Variants in GALNT15 observed in about 807,000 individuals in gnomAD.
GALNT15 encodes UDP-GalNAc transferase T15.
Under a neutral mutation model 66.8 loss-of-function variants are expected in GALNT15, and 67 were observed. That is an observed-to-expected ratio of 1.00 (90% CI 0.82 to 1.23). The LOEUF (loss-of-function observed/expected upper bound fraction) is 1.23, where lower values mean the gene tolerates loss of function less well. Ranked by LOEUF, GALNT15 falls within the 50% of genes most tolerant of loss-of-function variation. The pLI is 0.00. For synonymous variants in GALNT15, 313 were observed against 311.5 expected (o/e 1.00, Z -0.05); for missense variants, 827 against 804.3 (o/e 1.03, Z -0.34).
At chr3:16,241,843 C>T in the GALNT15 span, among the ~76,000 whole-genome samples, 2 of 152,142 alleles carry the variant, frequency 1.3e-5, no homozygotes, top group African/African-American at 2.4e-5. The surrounding 1 kb of genome is among the most constrained non-coding windows in gnomAD (Gnocchi z 4.6). Context: ...CCACCACACC[C>T]GGCCAAAACA....
At chr3:16,205,901 T>C (rs977791766) in intron 3 of GALNT15, among the ~76,000 whole-genome samples, 1 of 151,938 alleles carries the variant, frequency 6.6e-6, no homozygotes, top group African/African-American at 2.4e-5. Flanking sequence ...ACAGTTAAAA[T>C]AGAGGAAAAA....
chr3:16,246,871 T>A, the GALNT15 span, among the ~76,000 whole-genome samples: 1 of 152,170 alleles, frequency 6.6e-6, no homozygotes, highest in South Asian at 2.1e-4. Flanking sequence ...ACATTGTACT[T>A]GATGAGTTGT....
rs1338145162 is a variant in GALNT15 at position 16,199,226 on chromosome 3, A to T, written c.707-1393A>T. Among the ~76,000 whole-genome samples, 2 of 140,608 alleles carry T rather than the reference A, an allele frequency of 1.4e-5. 1 individual carries two copies. Among genetic ancestry groups the T allele is most frequent in the African/African-American group, 5.4e-5 (2 of 37,112 alleles). The allele number at this position is 140,608 out of a possible 152,430, so 92.2% of individuals were successfully genotyped here. ...GACATGCACACACACACACACATGCACTCACACACACAATCAAGTTATTCT... is the reference window on the plus strand; with the variant it reads ...GACATGCACACACACACACACATGCTCTCACACACACAATCAAGTTATTCT... On this transcript the variant is annotated intron_variant, in intron 2 of 9. Coordinates refer to ENST00000339732, the MANE Select transcript of GALNT15 (RefSeq NM_054110.5).
chr3:16,208,472 GTCCCTTGTTTAA>G lies in GALNT15; in HGVS notation c.912-29_912-18del. Reference sequence around the variant, plus strand: ...CAGCCCCAGCAAGTAAATGCTTTACGTCCCTTGTTTAATTCCACAATTCTTTCCAGGAGCCGA... The same window carrying G: ...CAGCCCCAGCAAGTAAATGCTTTACGTTCCACAATTCTTTCCAGGAGCCGA... On this transcript the variant is annotated intron_variant, in intron 3 of 9. Coordinates refer to ENST00000339732, the MANE Select transcript of GALNT15 (RefSeq NM_054110.5). The G allele has an allele frequency of 1.2e-6, 2 of 1,609,228 alleles. No homozygotes were observed. Among genetic ancestry groups the G allele is most frequent in the East Asian group, 4.5e-5 (2 of 44,786 alleles).
intron 6 of GALNT15, among the ~76,000 whole-genome samples, chr3:16,215,904 G>A (rs1264380797): frequency 5.5e-4 from 33 of 59,938 alleles, no homozygotes; most frequent in South Asian, 2.8e-3. Context: ...GGGAGACTCC[G>A]CCAAAAAAAA....
rs1480339428 is a variant in GALNT15 at position 16,189,270 on chromosome 3, A to G, written c.540-6490A>G. Among the ~76,000 whole-genome samples the G allele has an allele frequency of 1.3e-5, 2 of 152,178 alleles. No individual in the cohort carries two copies. The highest frequency in any genetic ancestry group is 6.5e-5 in the Admixed American group (1 of 15,284). ...ACCTGGCCTCCTTTGCCTGTAATCC[A>G]TGAGGTGAACAGCACCACCATGTTG... On this transcript the variant is annotated intron_variant, in intron 1 of 9. Coordinates refer to ENST00000339732, the MANE Select transcript of GALNT15 (RefSeq NM_054110.5). This position sits in a 1 kb window ranked among gnomAD's most constrained non-coding sequence, Gnocchi z 5.1.
intron 8 of GALNT15, 73 bp downstream of exon 8, chr3:16,220,087 GC>G (rs1354523206): frequency 5.3e-6 from 6 of 1,127,726 alleles, no homozygotes; most frequent in Non-Finnish European, 8.1e-6. Context: ...TTTCTGGGAT[GC>G]CCCATACTTC....
At position 16,224,248 on chromosome 3, in the gene GALNT15, T is replaced by C. The variant is rs2063981504; in HGVS notation, c.1773+1490T>C. ...CTATTCATAGTGGCACTGTTGACAA[T>C]AGCCAAGAAGTGAAAGCAACCCAGG... On this transcript the variant is annotated intron_variant, in intron 9 of 9. Transcript: ENST00000339732. This position sits in a 1 kb window ranked among gnomAD's most constrained non-coding sequence, Gnocchi z 5.2. Among the ~76,000 whole-genome samples the C allele has an allele frequency of 6.6e-6, 1 of 152,158 alleles. No homozygotes were observed. The highest frequency in any genetic ancestry group is 2.4e-5 in the African/African-American group (1 of 41,426).
At chr3:16,232,429 G>A (rs2064090024), downstream of GALNT15, among the ~76,000 whole-genome samples, 1 of 133,826 alleles carries the variant, frequency 7.5e-6, no homozygotes, top group Non-Finnish European at 1.6e-5. Flanking sequence ...ACAAAAATTA[G>A]CCAGTCTCAT....
At position 16,174,974 on chromosome 3, in the gene GALNT15, G is replaced by A. The variant is rs905460890; in HGVS notation, c.-178G>A. The A allele has an allele frequency of 6.8e-6, 4 of 590,022 alleles. No homozygotes were observed. Among genetic ancestry groups the A allele is most frequent in the East Asian group, 5.5e-5 (2 of 36,156 alleles). 36.5% of individuals were successfully genotyped at this position (590,022 alleles called of 1,614,324 possible). A position where few individuals can be genotyped will look rare whatever the true frequency, so the allele number is the denominator to read the frequency against. On this transcript the variant is annotated 5_prime_UTR_variant, in exon 1 of 10. Coordinates refer to ENST00000339732, the MANE Select transcript of GALNT15 (RefSeq NM_054110.5). This position sits in a 1 kb window ranked among gnomAD's most constrained non-coding sequence, Gnocchi z 4.7. The stretch of plus-strand genomic sequence containing the variant: ...ACTTGGGTCCTGTGGTTTTCTGATT[G>A]TAAGTGGAAGCAGGTCTTGCACACG...
the GALNT15 span, among the ~76,000 whole-genome samples, chr3:16,246,102 C>T: frequency 6.6e-6 from 1 of 152,100 alleles, no homozygotes; most frequent in Admixed American, 6.6e-5. Flanking sequence ...ATCCCATCTT[C>T]CTCAGCTCAG....
rs4035393 is a variant in GALNT15 at position 16,227,694 on chromosome 3, T to TAA, written c.*208_*209dup. 1.6e-3 allele frequency: 2,068 copies of TAA among 1,283,970 alleles called. 10 individuals carry two copies. Among genetic ancestry groups the TAA allele is most frequent in the African/African-American group, 0.016 (1,007 of 64,112 alleles). The allele number at this position is 1,283,970 out of a possible 1,614,324, so 79.5% of individuals were successfully genotyped here. A position where few individuals can be genotyped will look rare whatever the true frequency, so the allele number is the denominator to read the frequency against. Reference sequence around the variant, plus strand: ...TTATTTCATTGACTGCTGGCTGCTTTAAAAAAAAAAAAAAAGGATCCATTG... The same window carrying TAA: ...TTATTTCATTGACTGCTGGCTGCTTTAAAAAAAAAAAAAAAAAGGATCCATTG... On this transcript the variant is annotated 3_prime_UTR_variant, in exon 10 of 10. Transcript: ENST00000339732. This position sits in a 1 kb window ranked among gnomAD's most constrained non-coding sequence, Gnocchi z 4.5.
Position 16,208,507 on chromosome 3 carries a change from C to T in GALNT15, c.916C>T (p.Arg306Ter), listed in dbSNP as rs763493649. 9 of 1,613,670 alleles carry T rather than the reference C, an allele frequency of 5.6e-6. No homozygotes were observed. The highest frequency in any genetic ancestry group is 2.2e-5 in the East Asian group (1 of 44,882). Residue 306 changes from arginine to a stop codon, truncating the protein, a stop_gained, in exon 4 of 10, where the codon CGA becomes TGA. Coordinates refer to ENST00000339732, the MANE Select transcript of GALNT15 (RefSeq NM_054110.5). LOFTEE classifies it high-confidence loss of function. Reference sequence around the variant, plus strand: ...TAATTCCACAATTCTTTCCAGGAGCCGAGTGGTATCTCCGGTGATAGATGT... The same window carrying T: ...TAATTCCACAATTCTTTCCAGGAGCTGAGTGGTATCTCCGGTGATAGATGT... The part of the protein sequence containing the change: ...LLSRIAGDRS[R>*]VVSPVIDVID...
At position 16,219,782 on chromosome 3, in the gene GALNT15, T is replaced by C. The variant is rs2063921641; in HGVS notation, c.1525-128T>C. ...TCAGTGGCTTCAGCTTTACCACACCTGTTGTTGTGGCCTGAACAATGTGCC... is the reference window on the plus strand; with the variant it reads ...TCAGTGGCTTCAGCTTTACCACACCCGTTGTTGTGGCCTGAACAATGTGCC... On this transcript the variant is annotated intron_variant, in intron 7 of 9. Transcript: ENST00000339732. This position sits in a 1 kb window ranked among gnomAD's most constrained non-coding sequence, Gnocchi z 4.3. 2 of 899,654 alleles carry C rather than the reference T, an allele frequency of 2.2e-6. No homozygotes were observed. Among genetic ancestry groups the C allele is most frequent in the Non-Finnish European group, 3.6e-6 (2 of 548,660 alleles). 55.7% of individuals were successfully genotyped at this position (899,654 alleles called of 1,614,324 possible).
Position 16,228,311 on chromosome 3 carries a change from A to G in GALNT15, c.*811A>G, listed in dbSNP as rs1000622938. ...CGTTGGTGTTAGAAGTACCAGCACA[A>G]TTTGAGCATTCCCATTAACAAAGGT... On this transcript the variant is annotated 3_prime_UTR_variant, in exon 10 of 10. Transcript: ENST00000339732. 1.0e-6 allele frequency: 1 copy of G among 985,724 alleles called. No individual in the cohort carries two copies. The highest frequency in any genetic ancestry group is 1.7e-5 in the African/African-American group (1 of 57,220). 61.1% of individuals were successfully genotyped at this position (985,724 alleles called of 1,614,324 possible). A position where few individuals can be genotyped will look rare whatever the true frequency, so the allele number is the denominator to read the frequency against.
intron 2 of GALNT15, among the ~76,000 whole-genome samples, chr3:16,199,230 A>T (rs1387259770): frequency 1.4e-5 from 2 of 141,038 alleles, no homozygotes; most frequent in Non-Finnish European, 3.1e-5. Flanking sequence ...ACATGCACTC[A>T]CACACACAAT....
At chr3:16,226,195 G>T (rs986919384) in intron 9 of GALNT15, among the ~76,000 whole-genome samples, 2 of 152,156 alleles carry the variant, frequency 1.3e-5, no homozygotes, top group African/African-American at 4.8e-5. Context: ...GAGGAGGGAG[G>T]AATGGGGAGT....
chr3:16,243,943 T>C, the GALNT15 span: 2 of 957,588 alleles, frequency 2.1e-6, no homozygotes, highest in Non-Finnish European at 2.5e-6. Context: ...TGAAGTTGTG[T>C]ATGTTAAGTA....
At chr3:16,214,376 C>T (rs1319392927) in intron 6 of GALNT15, among the ~76,000 whole-genome samples, 4 of 152,192 alleles carry the variant, frequency 2.6e-5, no homozygotes, top group South Asian at 2.1e-4. Context: ...TTATATGATC[C>T]GAAAGTTACT....
Sources: allele counts gnomAD v4.1 joint callset (sites outside exome capture counted in the v4.1 genomes callset), GRCh38; gene constraint gnomAD v4.1.1; non-coding constraint Gnocchi (gnomAD v3.1); transcripts MANE v1.5; gene names NCBI Gene and HGNC (gene_info 2026-07-23, HGNC 2026-07-21).